SH3BP5: variants seen among roughly 807,000 people sequenced by gnomAD.
SH3BP5 encodes SH3 domain binding protein 5, also known as SH3 domain-binding protein 5.
In SH3BP5, 22 loss-of-function variants were observed where a neutral mutation model predicts 43.3. The observed-to-expected ratio is 0.51, with a 90% CI of 0.36 to 0.73. The LOEUF (loss-of-function observed/expected upper bound fraction) is 0.73, where lower values mean the gene tolerates loss of function less well. SH3BP5 is among the 30% of genes least tolerant of loss of function. The pLI is 0.00. For missense variants in SH3BP5, 529 were observed against 586.9 expected (o/e 0.90, Z 1.02); for synonymous variants, 255 against 225.8 (o/e 1.13, Z -1.16).
intron 2 of SH3BP5, among the ~76,000 whole-genome samples, chr3:15,313,816 A>C (rs952640458): frequency 8.5e-5 from 13 of 152,092 alleles, no homozygotes; most frequent in African/African-American, 2.4e-4. Flanking sequence ...ACTTAACTTC[A>C]AGGGGCCAGG....
At chr3:15,332,190 C>T in intron 1 of SH3BP5, 81 bp downstream of exon 1, 1 of 1,535,536 alleles carries the variant, frequency 6.5e-7, no homozygotes, top group Non-Finnish European at 8.7e-7. Flanking sequence ...CTGGGGGCTG[C>T]GAAGTGGCTG....
intron 2 of SH3BP5, among the ~76,000 whole-genome samples, chr3:15,321,195 GTAAC>G (rs1446357803): frequency 5.3e-5 from 8 of 152,176 alleles, no homozygotes; most frequent in Non-Finnish European, 1.0e-4. Flanking sequence ...AATACACAGA[GTAAC>G]TAAGTTCAAA....
At chr3:15,284,013 A>G (rs1388704158) in intron 3 of SH3BP5, among the ~76,000 whole-genome samples, 2 of 152,204 alleles carry the variant, frequency 1.3e-5, no homozygotes, top group Admixed American at 1.3e-4. Flanking sequence ...ACTGGGACTC[A>G]TACCCAGGTC....
rs1462981343 is a variant in SH3BP5 at position 15,257,088 on chromosome 3, G to A, written c.915C>T (p.Asp305=). The A allele has an allele frequency of 1.2e-6, 2 of 1,614,160 alleles. No individual in the cohort carries two copies. Among genetic ancestry groups the A allele is most frequent in the South Asian group, 1.1e-5 (1 of 91,082 alleles). The part of the protein sequence containing the change: ...ISVASEAFED[D]SCSNFVSEDD... ...CTTCAGACACAAAGTTGCTACAGCT[G>A]TCATCTTCAAAGGCCTCCGAGGCCA... The change falls in exon 8 of 9, where the codon GAC becomes GAT. Residue 305 remains aspartate, a synonymous_variant. Coordinates refer to ENST00000383791, the MANE Select transcript of SH3BP5 (RefSeq NM_004844.5).
intron 1 of SH3BP5, chr3:15,331,669 A>G (rs938750482): frequency 2.0e-5 from 3 of 152,282 alleles, no homozygotes; most frequent in Non-Finnish European, 4.4e-5. Context: ...CACAACAAGG[A>G]AAAGCAGGGT....
At chr3:15,260,175 T>G in intron 5 of SH3BP5, 1 of 251,388 alleles carries the variant, frequency 4.0e-6, no homozygotes, top group Non-Finnish European at 7.8e-6. Flanking sequence ...CCTAATGAAG[T>G]TGGCTCCCCA....
At chr3:15,305,951 G>C (rs991944061) in intron 2 of SH3BP5, among the ~76,000 whole-genome samples, 4 of 151,872 alleles carry the variant, frequency 2.6e-5, no homozygotes, top group Non-Finnish European at 4.4e-5. Flanking sequence ...CCTATTGGAA[G>C]GGATCAGGTC....
intron 3 of SH3BP5, among the ~76,000 whole-genome samples, chr3:15,272,044 G>A (rs867970963): frequency 2.0e-5 from 3 of 152,134 alleles, no homozygotes; most frequent in South Asian, 2.1e-4. Flanking sequence ...CCTGGGACTC[G>A]GGAAGAGGGG....
intron 3 of SH3BP5, among the ~76,000 whole-genome samples, chr3:15,293,626 T>C (rs1237342490): frequency 6.6e-6 from 1 of 152,216 alleles, no homozygotes; most frequent in Admixed American, 6.5e-5. Flanking sequence ...CCAGAGTGTC[T>C]TTCAGATTTG....
intron 2 of SH3BP5, among the ~76,000 whole-genome samples, chr3:15,324,496 T>C (rs1365670229): frequency 6.6e-6 from 1 of 152,196 alleles, no homozygotes; most frequent in Non-Finnish European, 1.5e-5. Context: ...TACAAGAAGG[T>C]CAGGGGTGTA....
chr3:15,309,672 G>C (rs1697999642), intron 2 of SH3BP5, among the ~76,000 whole-genome samples: 1 of 152,154 alleles, frequency 6.6e-6, no homozygotes, highest in Non-Finnish European at 1.5e-5. Flanking sequence ...ATTCTGATGG[G>C]CAGGTTCAGG....
chr3:15,311,133 C>T (rs1008843380), intron 2 of SH3BP5, among the ~76,000 whole-genome samples: 18 of 152,206 alleles, frequency 1.2e-4, no homozygotes, highest in Non-Finnish European at 2.1e-4. Context: ...CGACACCAAA[C>T]TTCAAAAGAT....
At chr3:15,340,816 G>A (rs1342665574) in intron 1 of SH3BP5, among the ~76,000 whole-genome samples, 1 of 151,988 alleles carries the variant, frequency 6.6e-6, no homozygotes, top group Non-Finnish European at 1.5e-5. Flanking sequence ...ACTTTGGGAA[G>A]CTGAGGCGGG....
chr3:15,334,839 C>G (rs905518691), upstream of SH3BP5, among the ~76,000 whole-genome samples: 8 of 151,730 alleles, frequency 5.3e-5, no homozygotes, highest in Non-Finnish European at 1.0e-4. Context: ...GTAGTCACAG[C>G]TATTTGGGAG....
At position 15,259,226 on chromosome 3, in the gene SH3BP5, C is replaced by T. The variant is rs146967551; in HGVS notation, c.670-176G>A. The T allele has an allele frequency of 1.7e-3, 1,059 of 617,780 alleles. 1 individual carries two copies. The highest frequency in any genetic ancestry group is 2.8e-3 in the Non-Finnish European group (961 of 349,192). 38.3% of individuals were successfully genotyped at this position (617,780 alleles called of 1,614,324 possible). A position where few individuals can be genotyped will look rare whatever the true frequency, so the allele number is the denominator to read the frequency against. On this transcript the variant is annotated intron_variant, in intron 6 of 8. Transcript: ENST00000383791. ...CTATTCATTCACCAGACAAAATCAG[C>T]CACCACCATCCCCAGATCCCATCCA...
At chr3:15,302,812 CTT>C (rs140719216) in intron 3 of SH3BP5, among the ~76,000 whole-genome samples, 1 of 146,376 alleles carries the variant, frequency 6.8e-6, no homozygotes. Context: ...TTTTTTCTTT[CTT>C]TTTTTTTTTT....
chr3:15,323,100 TG>T (rs1238782223), intron 2 of SH3BP5, among the ~76,000 whole-genome samples: 1 of 151,452 alleles, frequency 6.6e-6, no homozygotes, highest in African/African-American at 2.4e-5. Flanking sequence ...ATCACATCAT[TG>T]CACTCCGGTT....
chr3:15,336,716 A>C (rs116340449), upstream of SH3BP5, among the ~76,000 whole-genome samples: 1,323 of 152,294 alleles, frequency 8.7e-3, 7 homozygotes, highest in African/African-American at 0.029. Context: ...CAGTGAACCC[A>C]GTCAGCAAGG....
rs560723308 is a variant in SH3BP5 at position 15,269,631 on chromosome 3, T to C, written c.495+82A>G. On this transcript the variant is annotated intron_variant, in intron 4 of 8. Transcript: ENST00000383791. ...TGTTTTCAGGCAACATGCCTGGGAGTCGAGTCTGTTACCTCCGCTCAGGGG... is the reference window on the plus strand; with the variant it reads ...TGTTTTCAGGCAACATGCCTGGGAGCCGAGTCTGTTACCTCCGCTCAGGGG... 3 of 1,390,790 alleles carry C rather than the reference T, an allele frequency of 2.2e-6. No individual in the cohort carries two copies. In the East Asian group the frequency reaches 7.5e-5, roughly 35 times the overall value. The allele number at this position is 1,390,790 out of a possible 1,614,324, so 86.2% of individuals were successfully genotyped here.
Sources: allele counts gnomAD v4.1 joint callset (sites outside exome capture counted in the v4.1 genomes callset), GRCh38; gene constraint gnomAD v4.1.1; transcripts MANE v1.5; gene names NCBI Gene and HGNC (gene_info 2026-07-23, HGNC 2026-07-21).